The following CFAP20DC variants were observed in gnomAD, a reference collection of about 807,000 sequenced individuals.
CFAP20DC encodes the protein protein CFAP20DC.
Under a neutral mutation model 101.7 loss-of-function variants are expected in CFAP20DC, and 84 were observed. The observed-to-expected ratio is 0.83, with a 90% CI of 0.69 to 0.99. The LOEUF is 0.99. Among genes scored for constraint, CFAP20DC ranks in the 50% least tolerant of loss-of-function variants. The pLI, the probability that CFAP20DC is intolerant of heterozygous loss-of-function variation, is 0.00. For synonymous variants in CFAP20DC, 359 were observed against 351.2 expected, an observed-to-expected ratio of 1.02 and a Z score of -0.25; for missense variants, 1,007 against 970.3, an observed-to-expected ratio of 1.04 and a Z score of -0.50.
In CFAP20DC at chr3:58,864,106, A is replaced by C. The variant is rs1305387970; in HGVS notation, c.1259-214T>G. 6.6e-6 allele frequency among the ~76,000 whole-genome samples: 1 copy of C among 152,030 alleles called. No individual in the cohort carries two copies. The highest frequency in any genetic ancestry group is 1.5e-5 in the Non-Finnish European group (1 of 67,984). ...CCTGAGTAGGTGGGATTACAGGTGCACGCCATCATGCCCGGCTAATTTTTG... is the reference window on the plus strand; with the variant it reads ...CCTGAGTAGGTGGGATTACAGGTGCCCGCCATCATGCCCGGCTAATTTTTG... On this transcript the variant is annotated intron_variant, in intron 11 of 16. Transcript: ENST00000482387. The surrounding 1 kb of genome is among the most constrained non-coding windows in gnomAD (Gnocchi z 4.7).
At chr3:58,919,079 TC>T (rs2085052627) in intron 5 of CFAP20DC, among the ~76,000 whole-genome samples, 1 of 152,164 alleles carries the variant, frequency 6.6e-6, no homozygotes, top group Non-Finnish European at 1.5e-5. Context: ...CCCAGACAGA[TC>T]CTGTGCAGCT....
intron 4 of CFAP20DC, among the ~76,000 whole-genome samples, chr3:58,957,495 C>T (rs1171088590): frequency 5.9e-5 from 9 of 152,084 alleles, no homozygotes; most frequent in Admixed American, 5.9e-4. Flanking sequence ...GCAATCTCAC[C>T]ACTGGGTATA....
At chr3:58,815,304 T>C (rs1355515760) in intron 14 of CFAP20DC, among the ~76,000 whole-genome samples, 2 of 149,278 alleles carry the variant, frequency 1.3e-5, no homozygotes, top group Non-Finnish European at 3.0e-5. Context: ...TGGCTAGCCA[T>C]ATGTAGAAAG....
chr3:58,867,781 A>C, intron 10 of CFAP20DC, 36 bp downstream of exon 10: 1 of 1,612,092 alleles, frequency 6.2e-7, no homozygotes. Context: ...CCTGAATAAT[A>C]TACAGATATA....
chr3:58,809,111 TA>T, intron 14 of CFAP20DC, among the ~76,000 whole-genome samples: 1 of 152,010 alleles, frequency 6.6e-6, no homozygotes, highest in Non-Finnish European at 1.5e-5. Context: ...CACACAATAA[TA>T]ATGGGAGACT....
rs2084377749 is a variant in CFAP20DC at position 58,913,673 on chromosome 3, A to C, written c.550+35T>G. 6.2e-7 allele frequency: 1 copy of C among 1,606,492 alleles called. No individual in the cohort carries two copies. ...ATGGCTAATTTTAAAAATACATCAGAGAATTAAAAAATCTTGATAGCAACC... is the reference window on the plus strand; with the variant it reads ...ATGGCTAATTTTAAAAATACATCAGCGAATTAAAAAATCTTGATAGCAACC... On this transcript the variant is annotated intron_variant, in intron 6 of 16. Coordinates refer to ENST00000482387, the MANE Select transcript of CFAP20DC (RefSeq NM_001394063.1). The surrounding 1 kb of genome is among the most constrained non-coding windows in gnomAD (Gnocchi z 4.4).
At chr3:58,813,804 C>G (rs893034761) in intron 14 of CFAP20DC, among the ~76,000 whole-genome samples, 4 of 151,796 alleles carry the variant, frequency 2.6e-5, no homozygotes, top group African/African-American at 9.7e-5. Context: ...GTAATTGAAC[C>G]AATATCAATG....
At chr3:58,771,518 A>T (rs1416054527) in intron 15 of CFAP20DC, among the ~76,000 whole-genome samples, 1 of 152,182 alleles carries the variant, frequency 6.6e-6, no homozygotes, top group Non-Finnish European at 1.5e-5. Flanking sequence ...GATCGGAACA[A>T]GCTACCCCCA....
intron 3 of CFAP20DC, 24 bp from the exon 4 acceptor site, chr3:59,039,653 T>C: frequency 7.1e-7 from 1 of 1,417,664 alleles, no homozygotes; most frequent in Non-Finnish European, 9.5e-7. Context: ...GAAATACACA[T>C]TCAAATGTTC....
chr3:58,737,297 ATC>A (rs1296138726), downstream of CFAP20DC: 5 of 454,534 alleles, frequency 1.1e-5, no homozygotes, highest in African/African-American at 4.0e-5. This position sits in a 1 kb window ranked among gnomAD's most constrained non-coding sequence, Gnocchi z 4.1. Flanking sequence ...CCACTACCAA[ATC>A]TCTCTCACAC....
At chr3:58,822,271 T>G (rs547320192) in intron 14 of CFAP20DC, among the ~76,000 whole-genome samples, 4 of 147,870 alleles carry the variant, frequency 2.7e-5, no homozygotes, top group African/African-American at 1.0e-4. Flanking sequence ...AATGTGCACA[T>G]GTACCGTAAA....
At chr3:58,739,614 T>C (rs1039327402), downstream of CFAP20DC, among the ~76,000 whole-genome samples, 1 of 152,386 alleles carries the variant, frequency 6.6e-6, no homozygotes, top group Admixed American at 6.5e-5. Context: ...TGACTGCATA[T>C]TGGCATGGCT....
intron 4 of CFAP20DC, among the ~76,000 whole-genome samples, chr3:58,995,975 A>AATCTATCTATCTATCTACCT: frequency 6.9e-6 from 1 of 145,272 alleles, no homozygotes; most frequent in East Asian, 2.1e-4. Context: ...CTGTATAATA[A>AATCTATCTATCTATCTACCT]ATCTATCTAT....
intron 7 of CFAP20DC, among the ~76,000 whole-genome samples, chr3:58,870,894 C>CAAAAAAAAAAAAAA (rs548763648): frequency 1.1e-4 from 2 of 18,954 alleles, no homozygotes; most frequent in Non-Finnish European, 1.6e-4. Context: ...GACTCCGTCT[C>CAAAAAAAAAAAAAA]AAAAAAAAAA....
rs184990685 is a variant in CFAP20DC, at chr3:58,772,214, C to T, written c.2238-18351G>A. ...TATTTTAGATTATTTTTATGTGTCT[C>T]ATAGTTATTGAGTGTCTTTGTGCCC... On this transcript the variant is annotated intron_variant, in intron 15 of 16. Coordinates refer to ENST00000482387, the MANE Select transcript of CFAP20DC (RefSeq NM_001394063.1). Among the ~76,000 whole-genome samples, 281 of 152,216 alleles carry T rather than the reference C, an allele frequency of 1.8e-3. 1 individual carries two copies. Among genetic ancestry groups the T allele is most frequent in the African/African-American group, 6.2e-3 (259 of 41,536 alleles).
rs1232053415 is a variant in CFAP20DC, at chr3:59,017,447, C to T, written c.278+22110G>A. ...AAATGACACTAGTCCCACCCCACAA[C>T]TTTCGCAACTTTACTGCTAAAAATT... is the stretch of plus-strand genomic sequence containing the variant. On this transcript the variant is annotated intron_variant, in intron 4 of 16. Transcript: ENST00000482387. 2.0e-5 allele frequency: 3 copies of T among 152,276 alleles called. No homozygotes were observed. In the East Asian group the frequency reaches 5.8e-4, roughly 29 times the overall value. 9.4% of individuals were successfully genotyped at this position (152,276 alleles called of 1,614,324 possible). A position where few individuals can be genotyped will look rare whatever the true frequency, so the allele number is the denominator to read the frequency against.
intron 7 of CFAP20DC, among the ~76,000 whole-genome samples, chr3:58,878,450 A>T (rs1056995342): frequency 2.0e-5 from 3 of 152,170 alleles, no homozygotes; most frequent in African/African-American, 7.2e-5. Context: ...ATAAACCCTT[A>T]ATTTATTAAA....
At chr3:58,718,069 C>G (rs573656290) in intron 3 of CFAP20DC, among the ~76,000 whole-genome samples, 1 of 152,244 alleles carries the variant, frequency 6.6e-6, no homozygotes, top group South Asian at 2.1e-4. Context: ...TATTGGAGGC[C>G]AATTTTGTGC....
rs2082507525 is a variant in CFAP20DC at position 58,894,485 on chromosome 3, T to C, written c.551-9776A>G. ...AAGCTCCAAAATGATCTCCTTTGAC[T>C]CCATGTCTCACATTCAGGACACGCT... On this transcript the variant is annotated intron_variant, in intron 6 of 16. Transcript: ENST00000482387. The surrounding 1 kb of genome is among the most constrained non-coding windows in gnomAD (Gnocchi z 4.1). Among the ~76,000 whole-genome samples the C allele has an allele frequency of 6.6e-6, 1 of 152,206 alleles. No individual in the cohort carries two copies. The highest frequency in any genetic ancestry group is 6.5e-5 in the Admixed American group (1 of 15,280).
Sources: gnomAD v4.1 joint callset for allele counts (sites outside exome capture counted in the v4.1 genomes callset) on GRCh38, gnomAD v4.1.1 for gene constraint, Gnocchi (gnomAD v3.1) non-coding constraint, MANE v1.5 for transcripts, NCBI Gene and HGNC (gene_info 2026-07-23, HGNC 2026-07-21) for gene names.